Variants in KLF12 observed in about 807,000 individuals in gnomAD.
KLF12 encodes the protein Krueppel-like factor 12.
Under a neutral mutation model 37.8 loss-of-function variants are expected in KLF12, and 9 were observed. That is an observed-to-expected ratio of 0.24 (90% CI 0.14 to 0.42). The LOEUF (loss-of-function observed/expected upper bound fraction) is 0.42, where lower values mean the gene tolerates loss of function less well. Among genes scored for constraint, KLF12 ranks in the 10% least tolerant of loss-of-function variants. KLF12 has a pLI of 1.00. For synonymous variants in KLF12, 208 were observed against 202.1 expected, an observed-to-expected ratio of 1.03 and a Z score of -0.25; for missense variants, 411 against 516.0, an observed-to-expected ratio of 0.80 and a Z score of 1.97.
intron 2 of KLF12, among the ~76,000 whole-genome samples, chr13:73,962,959 G>A (rs1891064267): frequency 2.6e-5 from 4 of 152,244 alleles, no homozygotes; most frequent in Admixed American, 1.3e-4. Context: ...TATTACTTAA[G>A]CATACTTGTA....
intron 5 of KLF12, among the ~76,000 whole-genome samples, chr13:73,810,646 G>GACACACAC (rs71927679): frequency 0.13 from 18,961 of 150,784 alleles, 1,478 homozygotes; most frequent in African/African-American, 0.22. Context: ...TATTTATAAA[G>GACACACAC]ACACACACAC....
At chr13:74,135,231 GC>G (rs1878502055), upstream of KLF12, among the ~76,000 whole-genome samples, 2 of 152,058 alleles carry the variant, frequency 1.3e-5, no homozygotes, top group Non-Finnish European at 2.9e-5. Context: ...CAGCGAAGGG[GC>G]CCCTGCCTGC....
At chr13:73,802,577 A>T (rs1160107827) in intron 5 of KLF12, among the ~76,000 whole-genome samples, 1 of 152,150 alleles carries the variant, frequency 6.6e-6, no homozygotes, top group Non-Finnish European at 1.5e-5. Flanking sequence ...TCGTCACCCA[A>T]GTACTAAGCA....
At chr13:74,123,024 G>A (rs911369280) in intron 1 of KLF12, among the ~76,000 whole-genome samples, 2 of 145,448 alleles carry the variant, frequency 1.4e-5, no homozygotes, top group East Asian at 4.0e-4. Flanking sequence ...ACTTTTATCA[G>A]AATAATATAT....
intron 4 of KLF12, 73 bp downstream of exon 4, chr13:73,845,754 T>C (rs1884976139): frequency 3.0e-6 from 4 of 1,332,614 alleles, no homozygotes; most frequent in Non-Finnish European, 4.2e-6. Context: ...GTATACAATT[T>C]AGGTTTTGTT....
the KLF12 span, among the ~76,000 whole-genome samples, chr13:74,163,424 T>C: frequency 6.6e-6 from 1 of 152,160 alleles, no homozygotes; most frequent in Non-Finnish European, 1.5e-5. Context: ...ATCCAATCAT[T>C]TGCAGCAACA....
chr13:73,810,317 A>T (rs544012131), intron 5 of KLF12, among the ~76,000 whole-genome samples: 4 of 152,220 alleles, frequency 2.6e-5, no homozygotes, highest in Non-Finnish European at 5.9e-5. Flanking sequence ...TTAAACAGTT[A>T]CACATTAAAA....
chr13:73,913,266 A>G (rs1888660602), intron 3 of KLF12, among the ~76,000 whole-genome samples: 1 of 152,182 alleles, frequency 6.6e-6, no homozygotes, highest in Non-Finnish European at 1.5e-5. Flanking sequence ...CTTAGTCATC[A>G]GTTTGGTAGT....
intron 4 of KLF12, among the ~76,000 whole-genome samples, chr13:73,837,741 A>C (rs1884515222): frequency 1.3e-5 from 2 of 152,208 alleles, no homozygotes; most frequent in African/African-American, 4.8e-5. Flanking sequence ...AAAGACCATA[A>C]GTAACTTGCT....
intron 3 of KLF12, among the ~76,000 whole-genome samples, chr13:73,900,706 A>G (rs571190180): frequency 6.6e-6 from 1 of 152,274 alleles, no homozygotes; most frequent in South Asian, 2.1e-4. Flanking sequence ...TTCTTGAAAG[A>G]AAGTGAATTC....
At chr13:74,011,974 T>A (rs1892562487) in intron 1 of KLF12, among the ~76,000 whole-genome samples, 2 of 152,218 alleles carry the variant, frequency 1.3e-5, no homozygotes, top group African/African-American at 4.8e-5. Flanking sequence ...GTTCCACATT[T>A]CAAACCCTTG....
Position 73,723,083 on chromosome 13 carries a change from C to T in KLF12, c.870-7558G>A, listed in dbSNP as rs145243636. 3.3e-3 allele frequency among the ~76,000 whole-genome samples: 509 copies of T among 152,076 alleles called. 2 individuals carry two copies. Among genetic ancestry groups the T allele is most frequent in the African/African-American group, 0.011 (471 of 41,470 alleles). On this transcript the variant is annotated intron_variant, in intron 6 of 7. Coordinates refer to ENST00000377669, the MANE Select transcript of KLF12 (RefSeq NM_007249.5). ...AAGCAAGATCATAAGCTGTATTAGGCAAAATGTTTAAAGAGAATCAAAATA... is the reference window on the plus strand; with the variant it reads ...AAGCAAGATCATAAGCTGTATTAGGTAAAATGTTTAAAGAGAATCAAAATA...
the KLF12 span, among the ~76,000 whole-genome samples, chr13:74,295,628 C>T: frequency 6.6e-6 from 1 of 151,990 alleles, no homozygotes; most frequent in Non-Finnish European, 1.5e-5. Flanking sequence ...CCTTATTTTT[C>T]GATCCTTAAT....
chr13:74,304,937 T>C, the KLF12 span, among the ~76,000 whole-genome samples: 2 of 152,120 alleles, frequency 1.3e-5, no homozygotes, highest in African/African-American at 2.4e-5. Context: ...GGATAATTCT[T>C]CCACACGCTT....
chr13:73,840,685 C>T (rs1222296635), intron 4 of KLF12, among the ~76,000 whole-genome samples: 4 of 152,260 alleles, frequency 2.6e-5, no homozygotes, highest in East Asian at 1.9e-4. Flanking sequence ...AGTGGTTCAA[C>T]GATTTTTGTA....
intron 3 of KLF12, among the ~76,000 whole-genome samples, chr13:73,890,519 C>A (rs1887453647): frequency 6.6e-6 from 1 of 152,014 alleles, no homozygotes; most frequent in African/African-American, 2.4e-5. Flanking sequence ...TGGGGGAAAT[C>A]ATTTTAATTT....
intron 3 of KLF12, among the ~76,000 whole-genome samples, chr13:73,907,331 G>A (rs1263125019): frequency 6.6e-6 from 1 of 152,068 alleles, no homozygotes; most frequent in Non-Finnish European, 1.5e-5. Flanking sequence ...CCTCTTGATG[G>A]TTCCTCATGT....
the KLF12 span, among the ~76,000 whole-genome samples, chr13:74,242,847 C>T: frequency 6.6e-6 from 1 of 152,152 alleles, no homozygotes. Context: ...ATCAGAGCCA[C>T]GTGTACATAG....
chr13:74,263,460 A>G, the KLF12 span, among the ~76,000 whole-genome samples: 1 of 152,182 alleles, frequency 6.6e-6, no homozygotes, highest in South Asian at 2.1e-4. Flanking sequence ...ATTGCTTTTT[A>G]AAGTATTTGT....
Sources: allele counts gnomAD v4.1 joint callset (sites outside exome capture counted in the v4.1 genomes callset), GRCh38; gene constraint gnomAD v4.1.1; transcripts MANE v1.5; gene names NCBI Gene and HGNC (gene_info 2026-07-23, HGNC 2026-07-21).